GPR63: variants seen among roughly 807,000 people sequenced by gnomAD.
GPR63 encodes the protein G protein-coupled receptor 63.
In GPR63, 12 loss-of-function variants were observed where a neutral mutation model predicts 23.1. That is an observed-to-expected ratio of 0.52 (90% CI 0.33 to 0.84). The LOEUF is 0.84. GPR63 is among the 40% of genes least tolerant of loss of function. The pLI is 0.02. For synonymous variants in GPR63, 172 were observed against 191.1 expected (o/e 0.90, Z 0.82); for missense variants, 472 against 515.6 (o/e 0.92, Z 0.82).
intron 1 of GPR63, among the ~76,000 whole-genome samples, chr6:96,800,746 C>T (rs1999030): frequency 0.99 from 151,445 of 152,326 alleles, 75,292 homozygotes; most frequent in Middle Eastern, 1. Context: ...CTCCTCTATT[C>T]TCTTCTCCCT....
In GPR63 at chr6:96,837,111, C is replaced by G. The variant is rs142146482; in HGVS notation, c.-151+157G>C. 7.6e-3 allele frequency among the ~76,000 whole-genome samples: 1,154 copies of G among 152,298 alleles called. 11 individuals are homozygous for G. Among genetic ancestry groups the G allele is most frequent in the Middle Eastern group, 0.041 (12 of 294 alleles). Reference sequence around the variant, plus strand: ...AACCCTCCCGAAAACCCAAGCTTCTCCGGCACAACTTCGGTCTCTCCAGCC... The same window carrying G: ...AACCCTCCCGAAAACCCAAGCTTCTGCGGCACAACTTCGGTCTCTCCAGCC... On this transcript the variant is annotated intron_variant, in intron 1 of 1. Transcript: ENST00000229955.
At chr6:96,834,646 A>T (rs1441312931) in intron 1 of GPR63, among the ~76,000 whole-genome samples, 3 of 152,146 alleles carry the variant, frequency 2.0e-5, no homozygotes, top group Non-Finnish European at 4.4e-5. Context: ...TCTGGTAAAC[A>T]GCTAGCAAAT....
chr6:96,798,219 A>T lies in GPR63; in HGVS notation c.*253T>A, dbSNP rs1010449043. On this transcript the variant is annotated 3_prime_UTR_variant, in exon 2 of 2. Transcript: ENST00000229955. ...TGAAAACAAAATCAATCAAGGAAAA[A>T]CCCCAAAACCAAAAAAAAGTCTCCT... 2.5e-6 allele frequency: 1 copy of T among 395,074 alleles called. No individual in the cohort carries two copies. Among genetic ancestry groups the T allele is most frequent in the African/African-American group, 2.0e-5 (1 of 49,642 alleles). The allele number at this position is 395,074 out of a possible 1,614,324, so 24.5% of individuals were successfully genotyped here.
intron 1 of GPR63, among the ~76,000 whole-genome samples, chr6:96,808,639 G>A (rs1017848433): frequency 2.0e-5 from 3 of 152,194 alleles, no homozygotes; most frequent in Non-Finnish European, 4.4e-5. Context: ...TTCACAGGCT[G>A]AAGTGCTGAG....
intron 1 of GPR63, among the ~76,000 whole-genome samples, chr6:96,835,773 T>C (rs1774711137): frequency 6.6e-6 from 1 of 152,192 alleles, no homozygotes; most frequent in African/African-American, 2.4e-5. Flanking sequence ...TAAAAATCTA[T>C]ATCCCAAACA....
intron 1 of GPR63, among the ~76,000 whole-genome samples, chr6:96,831,272 T>C (rs1774573353): frequency 6.6e-6 from 1 of 152,166 alleles, no homozygotes; most frequent in South Asian, 2.1e-4. Context: ...CTCTACCTGT[T>C]TAGCTGGAGG....
intron 1 of GPR63, among the ~76,000 whole-genome samples, chr6:96,835,964 A>C (rs948931449): frequency 6.6e-6 from 1 of 152,190 alleles, no homozygotes; most frequent in African/African-American, 2.4e-5. Flanking sequence ...AAGCTCCCAC[A>C]TTCTGTTTTT....
rs1223128997 is a variant in GPR63, at chr6:96,797,515, GACCTGCTTTCTTC to G, written c.*944_*956del. On this transcript the variant is annotated 3_prime_UTR_variant, in exon 2 of 2. Transcript: ENST00000229955. ...TTGGGCAGGATTTTAGTCCCTCTGAGACCTGCTTTCTTCACCTGTAAAAATGAAAACAATAATA... is the reference window on the plus strand; with the variant it reads ...TTGGGCAGGATTTTAGTCCCTCTGAGACCTGTAAAAATGAAAACAATAATA... The G allele has an allele frequency of 1.3e-5, 2 of 152,130 alleles. No individual in the cohort carries two copies. The highest frequency in any genetic ancestry group is 2.9e-5 in the Non-Finnish European group (2 of 68,044). 9.4% of individuals were successfully genotyped at this position (152,130 alleles called of 1,614,324 possible). A position where few individuals can be genotyped will look rare whatever the true frequency, so the allele number is the denominator to read the frequency against.
chr6:96,828,390 G>C (rs1195153722), intron 1 of GPR63, among the ~76,000 whole-genome samples: 1 of 151,914 alleles, frequency 6.6e-6, no homozygotes, highest in African/African-American at 2.4e-5. Context: ...AGTCATATTG[G>C]GGATTAGGGC....
At chr6:96,824,265 C>A (rs1452010203) in intron 1 of GPR63, among the ~76,000 whole-genome samples, 1 of 151,816 alleles carries the variant, frequency 6.6e-6, no homozygotes, top group Non-Finnish European at 1.5e-5. Context: ...TGCATGTGGT[C>A]CTGAAAAAAA....
chr6:96,809,739 C>T (rs1333812193), intron 1 of GPR63, among the ~76,000 whole-genome samples: 1 of 152,036 alleles, frequency 6.6e-6, no homozygotes, highest in Admixed American at 6.6e-5. Flanking sequence ...ATAAGGATGT[C>T]GAAAGTAGAG....
intron 1 of GPR63, among the ~76,000 whole-genome samples, chr6:96,807,227 G>C (rs1773918306): frequency 6.6e-6 from 1 of 152,190 alleles, no homozygotes; most frequent in Admixed American, 6.5e-5. Context: ...AGTCACTCCT[G>C]TCCTTCCCTA....
intron 1 of GPR63, among the ~76,000 whole-genome samples, chr6:96,803,339 G>A (rs1198458975): frequency 6.6e-6 from 1 of 152,162 alleles, no homozygotes; most frequent in African/African-American, 2.4e-5. Context: ...CCTACCCACT[G>A]TCAAACCAGC....
chr6:96,835,825 C>T (rs1023355988), intron 1 of GPR63, among the ~76,000 whole-genome samples: 3 of 152,108 alleles, frequency 2.0e-5, no homozygotes, highest in African/African-American at 4.8e-5. Context: ...TGATTTTCTT[C>T]GAAAACTTCC....
intron 1 of GPR63, among the ~76,000 whole-genome samples, chr6:96,801,095 G>A (rs188751034): frequency 1.4e-4 from 22 of 152,198 alleles, no homozygotes; most frequent in Non-Finnish European, 2.6e-4. Flanking sequence ...AGAAGTCTCT[G>A]AATTTCTGGC....
At chr6:96,808,069 TTTG>T (rs1172839098) in intron 1 of GPR63, among the ~76,000 whole-genome samples, 2 of 152,180 alleles carry the variant, frequency 1.3e-5, no homozygotes, top group African/African-American at 4.8e-5. Flanking sequence ...AACATAATAC[TTTG>T]TTTTCTTTTA....
At chr6:96,813,712 C>T (rs1582261131) in intron 1 of GPR63, among the ~76,000 whole-genome samples, 1 of 152,262 alleles carries the variant, frequency 6.6e-6, no homozygotes, top group East Asian at 1.9e-4. Context: ...GATTATCTAA[C>T]GCTGAGAATG....
Position 96,817,800 on chromosome 6 carries a change from TTAG to T in GPR63, c.-150-17922_-150-17920del, listed in dbSNP as rs1280025061. ...CAAACACAGGCAAAATTCATCTATG[TTAG>T]TAGTTTATTGGTTACCTTTGGGGAA... On this transcript the variant is annotated intron_variant, in intron 1 of 1. Transcript: ENST00000229955. 3.3e-5 allele frequency among the ~76,000 whole-genome samples: 5 copies of T among 152,026 alleles called. No homozygotes were observed. In the East Asian group the frequency reaches 9.7e-4, roughly 30 times the overall value.
Position 96,802,706 on chromosome 6 carries a change from A to ATTT in GPR63, c.-150-2828_-150-2826dup, listed in dbSNP as rs370548140. On this transcript the variant is annotated intron_variant, in intron 1 of 1. Transcript: ENST00000229955. ...AAGCACCTGCCACCATGCCCAGCTA[A>ATTT]TTTTTTTTTTTTTTGTATTTTTAGT... Among the ~76,000 whole-genome samples, 1,311 of 144,794 alleles carry ATTT rather than the reference A, an allele frequency of 9.1e-3. 24 individuals are homozygous for ATTT. The highest frequency in any genetic ancestry group is 0.029 in the African/African-American group (1,119 of 39,256). The allele number at this position is 144,794 out of a possible 152,430, so 95.0% of individuals were successfully genotyped here. A position where few individuals can be genotyped will look rare whatever the true frequency, so the allele number is the denominator to read the frequency against.
Sources: allele counts gnomAD v4.1 joint callset (sites outside exome capture counted in the v4.1 genomes callset), GRCh38; gene constraint gnomAD v4.1.1; transcripts MANE v1.5; gene names NCBI Gene and HGNC (gene_info 2026-07-23, HGNC 2026-07-21).